SYTL2: variants seen among roughly 807,000 people sequenced by gnomAD.
SYTL2 encodes synaptotagmin-like protein 2.
In SYTL2, 165 loss-of-function variants were observed where a neutral mutation model predicts 198.7. The ratio of observed to expected loss-of-function variants is 0.83; its 90% CI spans 0.73 to 0.94. The LOEUF (loss-of-function observed/expected upper bound fraction) is 0.94. SYTL2 is among the 40% of genes least tolerant of loss of function. The pLI is 0.00. For missense variants in SYTL2, 2,835 were observed against 2,582.8 expected (o/e 1.10, Z -2.12); for synonymous variants, 966 against 917.7 (o/e 1.05, Z -0.95).
At chr11:85,771,431 A>G (rs572491705) in intron 1 of SYTL2, among the ~76,000 whole-genome samples, 35 of 152,358 alleles carry the variant, frequency 2.3e-4, no homozygotes, top group African/African-American at 8.4e-4. Flanking sequence ...TTTCATTAGC[A>G]TAAGTTACAT....
intron 13 of SYTL2, among the ~76,000 whole-genome samples, chr11:85,710,582 A>G (rs536313423): frequency 6.6e-4 from 100 of 152,332 alleles, no homozygotes; most frequent in African/African-American, 2.4e-3. Context: ...AGTTCTATGT[A>G]AAGTCAAATT....
In SYTL2 at chr11:85,757,814, A is replaced by G. The variant is rs972662133; in HGVS notation, c.-89T>C. ...CTAAGACTGCAACCAGGAAGATTAA[A>G]ACACACAAAAATGAAATATCTTGTT... On this transcript the variant is annotated 5_prime_UTR_variant, in exon 2 of 20. Transcript: ENST00000359152. 52 of 1,564,334 alleles carry G rather than the reference A, an allele frequency of 3.3e-5. No homozygotes were observed. Among genetic ancestry groups the G allele is most frequent in the Non-Finnish European group, 4.2e-5 (48 of 1,153,460 alleles).
the SYTL2 span, among the ~76,000 whole-genome samples, chr11:85,851,215 T>G: frequency 0.012 from 1,867 of 152,342 alleles, 16 homozygotes; most frequent in Middle Eastern, 0.031. Flanking sequence ...GATTATTTAT[T>G]TTTGCAAAAC....
chr11:85,793,242 C>T (rs2092757196), intron 1 of SYTL2, among the ~76,000 whole-genome samples: 1 of 151,702 alleles, frequency 6.6e-6, no homozygotes, highest in Non-Finnish European at 1.5e-5. Flanking sequence ...TACAGTCCCA[C>T]CAACAGTGTA....
rs552731267 is a variant in SYTL2 at position 85,722,951 on chromosome 11, C to G, written c.5326+1081G>C. 1.4e-4 allele frequency among the ~76,000 whole-genome samples: 21 copies of G among 152,262 alleles called. No homozygotes were observed. The South Asian group carries it at 4.2e-3, about 30-fold the overall frequency. ...CCTCAAAGTAAGCCACTCAGTAAAG[C>G]TTATCTATTTTCACTGGAACGAAAA... On this transcript the variant is annotated intron_variant, in intron 8 of 19. Coordinates refer to ENST00000359152, the MANE Select transcript of SYTL2 (RefSeq NM_206927.4).
At chr11:85,709,243 C>A in intron 14 of SYTL2, 88 bp downstream of exon 14, 1 of 1,315,556 alleles carries the variant, frequency 7.6e-7, no homozygotes, top group Non-Finnish European at 1.1e-6. Context: ...TACCCTCCCT[C>A]CTCTTGATTA....
chr11:85,720,163 T>C (rs1015792483), intron 9 of SYTL2, among the ~76,000 whole-genome samples: 1 of 152,170 alleles, frequency 6.6e-6, no homozygotes, highest in Non-Finnish European at 1.5e-5. Context: ...TCATGTTAAG[T>C]AGTTTTGGGC....
In SYTL2 at chr11:85,724,808, T is replaced by A; in HGVS notation, c.4550A>T (p.Glu1517Val). Residue 1517 changes from glutamate (E) to valine (V), a missense_variant, in exon 8 of 20, where the codon GAA (glutamate) becomes GTA (valine). Glu to Val is a moderately radical substitution (Grantham distance 121). Transcript: ENST00000359152. ...EETETFPSKYESDTGNLSPSK... is the reference protein window; with the variant it reads ...EETETFPSKYVSDTGNLSPSK... Reference sequence around the variant, plus strand: ...TGGAGAAAGATTCCCTGTATCACTTTCATATTTTGAGGGGAAGGTTTCAGT... The same window carrying A: ...TGGAGAAAGATTCCCTGTATCACTTACATATTTTGAGGGGAAGGTTTCAGT... 1 of 1,613,440 alleles carries A rather than the reference T, an allele frequency of 6.2e-7. No individual in the cohort carries two copies. The highest frequency in any genetic ancestry group is 1.7e-4 in the Middle Eastern group (1 of 6,058).
At position 85,725,412 on chromosome 11, in the gene SYTL2, A is replaced by G. The variant is rs1591753043; in HGVS notation, c.3946T>C (p.Ser1316Pro). 6.2e-7 allele frequency: 1 copy of G among 1,614,106 alleles called. No homozygotes were observed. ...SHPLDPTSQL[S>P]RKGSFGDVAS... ...ACATCCCCAAAAGAACCCTTTCTGGAAAGCTGGGAAGTTGGATCCAATGGA... is the reference window on the plus strand; with the variant it reads ...ACATCCCCAAAAGAACCCTTTCTGGGAAGCTGGGAAGTTGGATCCAATGGA... The change falls in exon 8 of 20, where the codon TCC becomes CCC. Residue 1316 changes from serine (S) to proline (P), a missense_variant. Ser to Pro is a moderately conservative substitution (Grantham distance 74). Transcript: ENST00000359152.
At chr11:85,806,671 G>A (rs1475901219) in intron 1 of SYTL2, among the ~76,000 whole-genome samples, 1 of 152,190 alleles carries the variant, frequency 6.6e-6, no homozygotes, top group Non-Finnish European at 1.5e-5. Context: ...AAAATCAGGA[G>A]GAGGCGTCAA....
chr11:85,757,600 G>T (rs780429849), intron 2 of SYTL2, 25 bp downstream of exon 2: 1 of 1,611,510 alleles, frequency 6.2e-7, no homozygotes, highest in Non-Finnish European at 8.5e-7. Flanking sequence ...CTTCCCTCAT[G>T]CCCAAGGCTT....
chr11:85,709,322 T>C lies in SYTL2; in HGVS notation c.5915+9A>G, dbSNP rs374161208. On this transcript the variant is annotated intron_variant, in intron 14 of 19. Coordinates refer to ENST00000359152, the MANE Select transcript of SYTL2 (RefSeq NM_206927.4). The stretch of plus-strand genomic sequence containing the variant: ...TAAGAGAAGGTAGGTGACTCTAAAA[T>C]GTACTTACGGGTCTGAACGCTGTTT... 9.9e-6 allele frequency: 16 copies of C among 1,613,728 alleles called. No homozygotes were observed. The highest frequency in any genetic ancestry group is 1.4e-5 in the Non-Finnish European group (16 of 1,179,830).
chr11:85,746,465 G>A (rs1372080693), intron 3 of SYTL2, among the ~76,000 whole-genome samples: 1 of 152,224 alleles, frequency 6.6e-6, no homozygotes, highest in African/African-American at 2.4e-5. Context: ...GCACTGTGCT[G>A]AGTTCTTTGC....
chr11:85,779,714 A>G (rs2092525462), intron 1 of SYTL2, among the ~76,000 whole-genome samples: 1 of 152,180 alleles, frequency 6.6e-6, no homozygotes, highest in South Asian at 2.1e-4. Context: ...TTTAGGTAAA[A>G]CAATCTTCAG....
At chr11:85,769,995 G>T (rs766265900) in intron 1 of SYTL2, among the ~76,000 whole-genome samples, 31 of 152,124 alleles carry the variant, frequency 2.0e-4, no homozygotes, top group Non-Finnish European at 4.1e-4. Flanking sequence ...CATTTCACAG[G>T]ACAGCTGGGG....
chr11:85,759,274 A>T (rs1052263351), intron 1 of SYTL2, among the ~76,000 whole-genome samples: 2 of 150,564 alleles, frequency 1.3e-5, no homozygotes, highest in African/African-American at 2.5e-5. Context: ...AGAAAAAAAA[A>T]TTTTAAAGCA....
At chr11:85,745,907 A>C in intron 3 of SYTL2, 135 bp from the exon 4 acceptor site, 3 of 766,734 alleles carry the variant, frequency 3.9e-6, no homozygotes, top group Non-Finnish European at 6.2e-6. Flanking sequence ...CACTGGGTCT[A>C]AGTAGTTGAT....
chr11:85,717,572 A>T, intron 10 of SYTL2, 42 bp from the exon 11 acceptor site: 1 of 1,519,558 alleles, frequency 6.6e-7, no homozygotes, highest in Non-Finnish European at 9.1e-7. Flanking sequence ...CCATTTTAAC[A>T]GAAGGATTAA....
intron 10 of SYTL2, 70 bp downstream of exon 10, chr11:85,718,720 C>T (rs1278106152): frequency 6.9e-7 from 1 of 1,447,344 alleles, no homozygotes; most frequent in Admixed American, 1.7e-5. Context: ...ACAGCTGCGT[C>T]CCGGAGACTG....
Sources: gnomAD v4.1 joint callset for allele counts (sites outside exome capture counted in the v4.1 genomes callset) on GRCh38, gnomAD v4.1.1 for gene constraint, MANE v1.5 for transcripts, NCBI Gene and HGNC (gene_info 2026-07-23, HGNC 2026-07-21) for gene names.